Variants in SYNDIG1 observed in about 807,000 individuals in gnomAD.
SYNDIG1 encodes synapse differentiation-inducing gene protein 1.
In SYNDIG1, 9 loss-of-function variants were observed where a neutral mutation model predicts 19.4. The observed-to-expected ratio is 0.46, with a 90% CI of 0.28 to 0.81. SYNDIG1 has a LOEUF of 0.81. SYNDIG1 is among the 30% of genes least tolerant of loss of function. The probability of loss-of-function intolerance (pLI) is 0.12; values close to 1 mark genes in which losing one functional copy is unlikely to be tolerated. For missense variants in SYNDIG1, 311 were observed against 343.3 expected (o/e 0.91, Z 0.74); for synonymous variants, 141 against 145.9 (o/e 0.97, Z 0.24).
intron 1 of SYNDIG1, among the ~76,000 whole-genome samples, chr20:24,499,344 T>A (rs149311420): frequency 7.2e-4 from 110 of 152,304 alleles, no homozygotes; most frequent in African/African-American, 2.6e-3. Flanking sequence ...ATGGGAATCT[T>A]TCCTGATCCA....
intron 2 of SYNDIG1, among the ~76,000 whole-genome samples, chr20:24,580,954 T>C (rs1333462532): frequency 6.6e-6 from 1 of 152,168 alleles, no homozygotes; most frequent in Non-Finnish European, 1.5e-5. Flanking sequence ...TCCCCAAGCG[T>C]TGACTAAGAT....
intron 1 of SYNDIG1, among the ~76,000 whole-genome samples, chr20:24,541,709 A>G (rs998792287): frequency 6.6e-6 from 1 of 152,234 alleles, no homozygotes; most frequent in Non-Finnish European, 1.5e-5. Context: ...AGAAATAAAG[A>G]GTCAGGCAGG....
chr20:24,551,599 G>T (rs985550193), intron 2 of SYNDIG1, among the ~76,000 whole-genome samples: 2 of 149,838 alleles, frequency 1.3e-5, no homozygotes, highest in African/African-American at 2.5e-5. Flanking sequence ...TTTGACATTT[G>T]TTTCTTCTTA....
intron 2 of SYNDIG1, among the ~76,000 whole-genome samples, chr20:24,545,136 T>C (rs1271456091): frequency 6.6e-6 from 1 of 152,020 alleles, no homozygotes; most frequent in African/African-American, 2.4e-5. Flanking sequence ...AGCTGAGAGA[T>C]CCAGCGTTAG....
intron 2 of SYNDIG1, among the ~76,000 whole-genome samples, chr20:24,561,151 C>T (rs974565096): frequency 2.0e-5 from 3 of 152,040 alleles, no homozygotes; most frequent in Non-Finnish European, 4.4e-5. Context: ...CCAGTAGCTC[C>T]GTGTGTGCTT....
rs34436263 is a variant in SYNDIG1 at position 24,508,218 on chromosome 20, A to ATTTTTTTTTTTTTTTT, written c.-78-34789_-78-34774dup. Among the ~76,000 whole-genome samples, 3 of 73,208 alleles carry ATTTTTTTTTTTTTTTT rather than the reference A, an allele frequency of 4.1e-5. 1 individual carries two copies. The highest frequency in any genetic ancestry group is 4.5e-5 in the Non-Finnish European group (2 of 44,408). The allele number at this position is 73,208 out of a possible 152,430, so 48.0% of individuals were successfully genotyped here. On this transcript the variant is annotated intron_variant, in intron 1 of 3. Coordinates refer to ENST00000376862, the MANE Select transcript of SYNDIG1 (RefSeq NM_024893.3). ...TGGAAAATTAAAATTAAGGAGGATA[A>ATTTTTTTTTTTTTTTT]TTTTTTTTTTTTTTTTTTTTTTTTT...
At chr20:24,541,029 A>G (rs2057457885) in intron 1 of SYNDIG1, among the ~76,000 whole-genome samples, 2 of 152,198 alleles carry the variant, frequency 1.3e-5, no homozygotes, top group Admixed American at 1.3e-4. Flanking sequence ...GAAAATCTCT[A>G]TCTATTGCCA....
chr20:24,567,295 G>A (rs190267267), intron 2 of SYNDIG1, among the ~76,000 whole-genome samples: 1 of 152,246 alleles, frequency 6.6e-6, no homozygotes, highest in East Asian at 1.9e-4. Context: ...AGACTTCTGT[G>A]GCTCCACATC....
At chr20:24,575,873 C>T (rs997875974) in intron 2 of SYNDIG1, among the ~76,000 whole-genome samples, 15 of 152,188 alleles carry the variant, frequency 9.9e-5, no homozygotes, top group Non-Finnish European at 1.0e-4. Context: ...GAAGCCAATA[C>T]ACAAAACAGG....
intron 1 of SYNDIG1, among the ~76,000 whole-genome samples, chr20:24,499,193 T>C (rs2056380677): frequency 6.6e-6 from 1 of 152,040 alleles, no homozygotes; most frequent in Non-Finnish European, 1.5e-5. Context: ...CCCAGCTAAT[T>C]CTTGTATTTT....
chr20:24,524,645 C>CA (rs112704748), intron 1 of SYNDIG1, among the ~76,000 whole-genome samples: 4,658 of 116,876 alleles, frequency 0.04, 206 homozygotes, highest in African/African-American at 0.12. Context: ...GACTCTGTCT[C>CA]AAAAAAAAAA....
chr20:24,620,829 C>T (rs1232930353), intron 3 of SYNDIG1, among the ~76,000 whole-genome samples: 3 of 152,186 alleles, frequency 2.0e-5, no homozygotes, highest in African/African-American at 7.2e-5. Flanking sequence ...TTCCTAAATA[C>T]TTTATTCAAA....
intron 3 of SYNDIG1, among the ~76,000 whole-genome samples, chr20:24,607,759 C>T (rs536037474): frequency 1.3e-5 from 2 of 152,318 alleles, no homozygotes; most frequent in Non-Finnish European, 2.9e-5. Context: ...TACTTTCTTC[C>T]GTTTTTGTAG....
At chr20:24,534,869 G>A (rs1197169758) in intron 1 of SYNDIG1, among the ~76,000 whole-genome samples, 2 of 152,212 alleles carry the variant, frequency 1.3e-5, no homozygotes, top group African/African-American at 2.4e-5. Flanking sequence ...TATTCCCTGG[G>A]TTTGAGGGAG....
intron 3 of SYNDIG1, among the ~76,000 whole-genome samples, chr20:24,615,699 C>T (rs186954884): frequency 3.3e-5 from 5 of 152,286 alleles, no homozygotes; most frequent in East Asian, 1.9e-4. Flanking sequence ...CCGAAACAGG[C>T]GCCCAATGGA....
At position 24,519,735 on chromosome 20, in the gene SYNDIG1, C is replaced by T. The variant is rs202018188; in HGVS notation, c.-78-23285C>T. Among the ~76,000 whole-genome samples, 10 of 152,262 alleles carry T rather than the reference C, an allele frequency of 6.6e-5. No homozygotes were observed. The East Asian group carries it at 1.7e-3, about 26-fold the overall frequency. ...AAAGTTGTATTACTCATGCAACCCT[C>T]AGTGCATAGTGGATTTTTCTCTTTC... On this transcript the variant is annotated intron_variant, in intron 1 of 3. Transcript: ENST00000376862.
chr20:24,586,516 G>A (rs954719190), intron 3 of SYNDIG1, among the ~76,000 whole-genome samples: 4 of 152,184 alleles, frequency 2.6e-5, no homozygotes, highest in African/African-American at 7.2e-5. Context: ...GGCCCATGGT[G>A]GGCAGAGCCT....
In SYNDIG1 at chr20:24,666,486, A is replaced by T. The variant is rs1307736217; in HGVS notation, c.*982A>T. On this transcript the variant is annotated 3_prime_UTR_variant, in exon 4 of 4. Transcript: ENST00000376862. ...ACTCTTGCTTCATGCTGCTTAAGTT[A>T]CCAGATGAATGCTGAGAAATAAGTA... 1 of 152,680 alleles carries T rather than the reference A, an allele frequency of 6.5e-6. No homozygotes were observed. Among genetic ancestry groups the T allele is most frequent in the Non-Finnish European group, 1.5e-5 (1 of 68,048 alleles). The allele number at this position is 152,680 out of a possible 1,614,324, so 9.5% of individuals were successfully genotyped here.
chr20:24,504,764 T>C (rs981061311), intron 1 of SYNDIG1, among the ~76,000 whole-genome samples: 1 of 152,196 alleles, frequency 6.6e-6, no homozygotes, highest in Non-Finnish European at 1.5e-5. Context: ...GGGGTTGGCA[T>C]ATGCTGGCTC....
Sources: gnomAD v4.1 joint callset for allele counts (sites outside exome capture counted in the v4.1 genomes callset) on GRCh38, gnomAD v4.1.1 for gene constraint, MANE v1.5 for transcripts, NCBI Gene and HGNC (gene_info 2026-07-23, HGNC 2026-07-21) for gene names.